SCN1A: variants seen among roughly 807,000 people sequenced by gnomAD.
SCN1A encodes the protein sodium voltage-gated channel alpha subunit 1.
SCN1A carries 13 observed loss-of-function variants against 193.7 expected under a neutral mutation model. The ratio of observed to expected loss-of-function variants is 0.07; its 90% CI spans 0.04 to 0.11. SCN1A has a LOEUF of 0.11. Among genes scored for constraint, SCN1A ranks in the 10% least tolerant of loss-of-function variants. The pLI is 1.00. For missense variants in SCN1A, 1,432 were observed against 2,451.1 expected (o/e 0.58, Z 8.78); for synonymous variants, 781 against 843.6 (o/e 0.93, Z 1.29).
chr2:165,988,104 G>A lies in SCN1A; in HGVS notation c.*3141C>T, dbSNP rs1688721621. ...ACAAGGGAAGGCTTCTCGTTCCTCA[G>A]AAATTTAGATAGATTAATTTAGACT... is the stretch of plus-strand genomic sequence containing the variant. On this transcript the variant is annotated 3_prime_UTR_variant, in exon 29 of 29. Coordinates refer to ENST00000674923, the MANE Select transcript of SCN1A (RefSeq NM_001165963.4). The A allele has an allele frequency of 6.6e-6, 1 of 152,134 alleles. No individual in the cohort carries two copies. Among genetic ancestry groups the A allele is most frequent in the South Asian group, 2.1e-4 (1 of 4,826 alleles). The allele number at this position is 152,134 out of a possible 1,614,324, so 9.4% of individuals were successfully genotyped here. A position where few individuals can be genotyped will look rare whatever the true frequency, so the allele number is the denominator to read the frequency against.
In SCN1A at chr2:166,038,052, C is replaced by T. The variant is rs760568616; in HGVS notation, c.2670G>A (p.Leu890=). 1.4e-5 allele frequency: 22 copies of T among 1,614,096 alleles called. 1 individual carries two copies. Among genetic ancestry groups the T allele is most frequent in the Admixed American group, 5.0e-5 (3 of 60,008 alleles). Residue 890 remains leucine, a synonymous_variant, in exon 18 of 29, where the codon CTG becomes CTA. Transcript: ENST00000674923. ...IKIIGNSVGA[L]GNLTLVLAII... ...TGGCCAAGACGAGGGTTAAATTTCC[C>T]AGAGCCCCCACGGAATTGCCGATGA...
chr2:166,073,090 G>A (rs1344107506), intron 4 of SCN1A, among the ~76,000 whole-genome samples: 4 of 151,924 alleles, frequency 2.6e-5, no homozygotes, highest in East Asian at 3.9e-4. Flanking sequence ...TGCCTGCCTC[G>A]GCCCCTCAAA....
intron 2 of SCN1A, among the ~76,000 whole-genome samples, chr2:166,093,195 A>G (rs1301832076): frequency 1.3e-5 from 2 of 148,872 alleles, no homozygotes; most frequent in African/African-American, 4.9e-5. Flanking sequence ...GCCAAAGCAG[A>G]AAAAAAAAAC....
At chr2:166,086,421 C>T (rs966393552) in intron 2 of SCN1A, among the ~76,000 whole-genome samples, 3 of 152,148 alleles carry the variant, frequency 2.0e-5, no homozygotes, top group Admixed American at 6.5e-5. Flanking sequence ...ATGCTAATGT[C>T]GCCATTTTTT....
At chr2:166,115,738 A>G (rs1689780183) in intron 2 of SCN1A, among the ~76,000 whole-genome samples, 1 of 152,228 alleles carries the variant, frequency 6.6e-6, no homozygotes, top group East Asian at 1.9e-4. Context: ...AACAATTTCT[A>G]TTGAGAACCT....
At chr2:166,004,272 C>A (rs1353958693) in intron 23 of SCN1A, among the ~76,000 whole-genome samples, 1 of 151,596 alleles carries the variant, frequency 6.6e-6, no homozygotes, top group East Asian at 2.0e-4. Context: ...AATATTTTGT[C>A]CACTATCCAG....
chr2:166,039,127 A>G (rs1308993442), intron 17 of SCN1A, among the ~76,000 whole-genome samples: 2 of 152,228 alleles, frequency 1.3e-5, no homozygotes, highest in Non-Finnish European at 2.9e-5. Flanking sequence ...ATTTTCATTA[A>G]AAATATTTTC....
intron 4 of SCN1A, among the ~76,000 whole-genome samples, chr2:166,072,837 C>CTTTTTTTTTTTTTT (rs796420549): frequency 8.4e-6 from 1 of 119,462 alleles, no homozygotes; most frequent in Admixed American, 9.2e-5. Context: ...TCTCTTCTTT[C>CTTTTTTTTTTTTTT]TTTTTTTTTT....
In SCN1A at chr2:165,989,108, A is replaced by C; in HGVS notation, c.*2137T>G. On this transcript the variant is annotated 3_prime_UTR_variant, in exon 29 of 29. Coordinates refer to ENST00000674923, the MANE Select transcript of SCN1A (RefSeq NM_001165963.4). Reference sequence around the variant, plus strand: ...TTCTCCCCCAATTTGTAATGTAAAAAATCTCCATATCATTAGAATATTCTG... The same window carrying C: ...TTCTCCCCCAATTTGTAATGTAAAACATCTCCATATCATTAGAATATTCTG... The C allele has an allele frequency of 6.6e-6, 1 of 151,854 alleles. No homozygotes were observed. Among genetic ancestry groups the C allele is most frequent in the African/African-American group, 2.4e-5 (1 of 41,150 alleles). 9.4% of individuals were successfully genotyped at this position (151,854 alleles called of 1,614,324 possible). A position where few individuals can be genotyped will look rare whatever the true frequency, so the allele number is the denominator to read the frequency against.
chr2:166,133,581 C>T (rs1387784906), intron 1 of SCN1A, among the ~76,000 whole-genome samples: 1 of 152,120 alleles, frequency 6.6e-6, no homozygotes, highest in African/African-American at 2.4e-5. Flanking sequence ...AACTGAACAG[C>T]ACTTCAAAAA....
At chr2:166,073,723 A>G (rs1684721767) in intron 3 of SCN1A, 53 bp from the exon 4 acceptor site, 4 of 1,262,548 alleles carry the variant, frequency 3.2e-6, no homozygotes, top group Non-Finnish European at 4.5e-6. Flanking sequence ...AGATGTTAAT[A>G]TAAATAAATT....
intron 21 of SCN1A, 58 bp downstream of exon 21, chr2:166,013,686 T>G: frequency 6.8e-7 from 1 of 1,474,130 alleles, no homozygotes; most frequent in Non-Finnish European, 9.5e-7. Context: ...TAATAAGTCA[T>G]CAGTATTAGA....
intron 1 of SCN1A, among the ~76,000 whole-genome samples, chr2:166,139,791 G>C (rs950818949): frequency 6.6e-6 from 1 of 152,032 alleles, no homozygotes; most frequent in Non-Finnish European, 1.5e-5. Context: ...GGGGAAAACT[G>C]CTCCCACGAT....
intron 2 of SCN1A, among the ~76,000 whole-genome samples, chr2:166,097,884 A>C (rs759721282): frequency 6.6e-6 from 1 of 152,214 alleles, no homozygotes; most frequent in Non-Finnish European, 1.5e-5. Flanking sequence ...CCTAGCCTCT[A>C]TTTGAAGTTG....
At chr2:166,138,477 G>A (rs1691951660) in intron 1 of SCN1A, among the ~76,000 whole-genome samples, 1 of 152,212 alleles carries the variant, frequency 6.6e-6, no homozygotes, top group African/African-American at 2.4e-5. Flanking sequence ...CCAACATAGT[G>A]CATGGGTCAT....
intron 2 of SCN1A, among the ~76,000 whole-genome samples, chr2:166,098,714 T>A (rs114054885): frequency 0.015 from 2,222 of 151,988 alleles, 62 homozygotes; most frequent in African/African-American, 0.049. Flanking sequence ...CATACACCAA[T>A]AACATCCAAG....
rs1404310244 is a variant in SCN1A at position 165,999,792 on chromosome 2, T to C, written c.4285-16A>G. ...TGAATGTGGCCTATTAAGAAGGACA[T>C]GCATGTTTTACTTTGGAGTAAAAAT... On this transcript the variant is annotated splice_polypyrimidine_tract_variant and intron_variant, in intron 24 of 28. Coordinates refer to ENST00000674923, the MANE Select transcript of SCN1A (RefSeq NM_001165963.4). The C allele has an allele frequency of 6.3e-7, 1 of 1,581,446 alleles. No homozygotes were observed. The highest frequency in any genetic ancestry group is 2.2e-5 in the East Asian group (1 of 44,496).
At chr2:166,129,543 G>A (rs1481825405), upstream of SCN1A, among the ~76,000 whole-genome samples, 3 of 152,124 alleles carry the variant, frequency 2.0e-5, no homozygotes, top group African/African-American at 7.2e-5. Context: ...TCAATGTCTG[G>A]GAAATGATGT....
At chr2:166,000,725 AAGAG>A (rs374979320) in intron 24 of SCN1A, among the ~76,000 whole-genome samples, 1 of 151,684 alleles carries the variant, frequency 6.6e-6, no homozygotes, top group African/African-American at 2.4e-5. Context: ...TTGTATATGA[AAGAG>A]AGAGAGATGT....
Sources: allele counts gnomAD v4.1 joint callset (sites outside exome capture counted in the v4.1 genomes callset), GRCh38; gene constraint gnomAD v4.1.1; transcripts MANE v1.5; gene names NCBI Gene and HGNC (gene_info 2026-07-23, HGNC 2026-07-21).